Variants in LOC128462377 observed in about 807,000 individuals in gnomAD.
At chr16:89,401,414 C>T in the LOC128462377 span, among the ~76,000 whole-genome samples, 2 of 152,120 alleles carry the variant, frequency 1.3e-5, no homozygotes, top group Non-Finnish European at 2.9e-5. Context: ...CTAAATATCA[C>T]GCTGGGATAA....
At chr16:89,385,957 A>T in the LOC128462377 span, among the ~76,000 whole-genome samples, 2 of 152,226 alleles carry the variant, frequency 1.3e-5, no homozygotes, top group Non-Finnish European at 2.9e-5. Context: ...CACAGCGGAC[A>T]GCAGTCCAGA....
chr16:89,338,431 A>C, the LOC128462377 span, among the ~76,000 whole-genome samples: 1 of 151,244 alleles, frequency 6.6e-6, no homozygotes, highest in African/African-American at 2.4e-5. Context: ...TGTTAAAAAA[A>C]AAAAAAAAAA....
the LOC128462377 span, among the ~76,000 whole-genome samples, chr16:89,327,517 C>T: frequency 6.6e-6 from 1 of 151,994 alleles, no homozygotes; most frequent in African/African-American, 2.4e-5. Flanking sequence ...TAATAGAGTT[C>T]AGCAAGGACA....
chr16:89,409,462 C>T, the LOC128462377 span, among the ~76,000 whole-genome samples: 1 of 152,182 alleles, frequency 6.6e-6, no homozygotes, highest in Admixed American at 6.5e-5. Context: ...CACGGCCCTG[C>T]CCACAGCATA....
At chr16:89,359,485 G>C in the LOC128462377 span, among the ~76,000 whole-genome samples, 2 of 152,220 alleles carry the variant, frequency 1.3e-5, no homozygotes, top group Non-Finnish European at 2.9e-5. Flanking sequence ...CCACTGCTTC[G>C]GGATGCAGAT....
chr16:89,359,337 T>A, the LOC128462377 span, among the ~76,000 whole-genome samples: 2 of 152,090 alleles, frequency 1.3e-5, no homozygotes, highest in Non-Finnish European at 2.9e-5. Flanking sequence ...TACAACTCAA[T>A]CGCACGTACA....
At chr16:89,322,031 A>G in the LOC128462377 span, among the ~76,000 whole-genome samples, 2 of 152,230 alleles carry the variant, frequency 1.3e-5, no homozygotes. Flanking sequence ...CAGAACACAC[A>G]TAACATACAA....
chr16:89,334,245 C>T, the LOC128462377 span, among the ~76,000 whole-genome samples: 2 of 151,426 alleles, frequency 1.3e-5, no homozygotes, highest in African/African-American at 2.4e-5. Context: ...TGATGCCTGG[C>T]CTAGCCCTCA....
At chr16:89,323,269 G>A in the LOC128462377 span, 1 of 1,284,050 alleles carries the variant, frequency 7.8e-7, no homozygotes, top group Non-Finnish European at 1.0e-6. Context: ...ATACCTGGCA[G>A]GCCTACTGTG....
the LOC128462377 span, chr16:89,340,019 T>C: frequency 6.6e-6 from 1 of 152,250 alleles, no homozygotes; most frequent in Non-Finnish European, 1.5e-5. Context: ...AACTGCAGTG[T>C]GCGCTCCTCG....
chr16:89,375,800 G>T, the LOC128462377 span, among the ~76,000 whole-genome samples: 6 of 144,652 alleles, frequency 4.1e-5, no homozygotes, highest in East Asian at 1.2e-3. Context: ...GCCTCTTGCA[G>T]TTCTCAAGTC....
At chr16:89,336,200 G>A in the LOC128462377 span, among the ~76,000 whole-genome samples, 1 of 152,222 alleles carries the variant, frequency 6.6e-6, no homozygotes. Flanking sequence ...CACTGTCCTT[G>A]TGGGCTACTC....
the LOC128462377 span, among the ~76,000 whole-genome samples, chr16:89,390,380 GA>G: frequency 1.3e-5 from 2 of 151,838 alleles, no homozygotes; most frequent in Non-Finnish European, 2.9e-5. Flanking sequence ...CTGAGAGAGA[GA>G]AGATCACTGG....
the LOC128462377 span, among the ~76,000 whole-genome samples, chr16:89,365,118 T>C: frequency 1.3e-5 from 2 of 152,258 alleles, no homozygotes; most frequent in African/African-American, 4.8e-5. Flanking sequence ...CCTTCCCTTA[T>C]GACAGACCAT....
chr16:89,349,887 CACACACACACACACACACACACACAT>C, the LOC128462377 span, among the ~76,000 whole-genome samples: 1,281 of 129,614 alleles, frequency 9.9e-3, 5 homozygotes, highest in Admixed American at 0.013. Context: ...CACACACACA[CACACACACACACACACACACACACAT>C]ATTCAAACAA....
At chr16:89,382,476 C>T in the LOC128462377 span, among the ~76,000 whole-genome samples, 6 of 151,208 alleles carry the variant, frequency 4.0e-5, no homozygotes, top group Admixed American at 1.3e-4. Flanking sequence ...CAGGTGCGTG[C>T]CACCAAGCCT....
At chr16:89,343,985 C>T in the LOC128462377 span, among the ~76,000 whole-genome samples, 1 of 152,214 alleles carries the variant, frequency 6.6e-6, no homozygotes, top group Non-Finnish European at 1.5e-5. Flanking sequence ...CCGACTGAAC[C>T]CAGGGGCACA....
chr16:89,337,429 CTTTTTTTTT>C, the LOC128462377 span, among the ~76,000 whole-genome samples: 22 of 53,134 alleles, frequency 4.1e-4, no homozygotes, highest in South Asian at 2.5e-3. Flanking sequence ...CTAAGCAATT[CTTTTTTTTT>C]TTTTTTTTTT....
chr16:89,405,491 ATTTTTTTTT>A, the LOC128462377 span, among the ~76,000 whole-genome samples: 39 of 111,458 alleles, frequency 3.5e-4, 1 homozygote, highest in South Asian at 4.0e-3. Flanking sequence ...CACCTGGCTC[ATTTTTTTTT>A]TTTTTTTTTT....
Sources: gnomAD v4.1 joint callset for allele counts (sites outside exome capture counted in the v4.1 genomes callset) on GRCh38, gnomAD v4.1.1 for gene constraint, MANE v1.5 for transcripts.